Variants in ARNT observed in about 807,000 individuals in gnomAD.
ARNT encodes the protein class E basic helix-loop-helix protein 2.
A neutral mutation model predicts 105.0 loss-of-function variants in ARNT; 30 were observed. That is an observed-to-expected ratio of 0.29 (90% CI 0.21 to 0.39). The LOEUF (loss-of-function observed/expected upper bound fraction) is 0.39. Among genes scored for constraint, ARNT ranks in the 10% least tolerant of loss-of-function variants. The pLI is 1.00. For synonymous variants in ARNT, 304 were observed against 344.0 expected (o/e 0.88, Z 1.29); for missense variants, 748 against 978.7 (o/e 0.76, Z 3.15).
rs10305723 is a variant in ARNT at position 150,822,952 on chromosome 1, T to C, written c.1394+242A>G. On this transcript the variant is annotated intron_variant, in intron 14 of 21. Transcript: ENST00000358595. ...CTTTTTTTGAAATGGAGTCTCGCTC[T>C]GTAGCCCAGGCTGGAGTGCAGTGGC... 7.5e-3 allele frequency among the ~76,000 whole-genome samples: 1,137 copies of C among 152,346 alleles called. 10 individuals are homozygous for C. Among genetic ancestry groups the C allele is most frequent in the African/African-American group, 0.026 (1,082 of 41,584 alleles).
rs587628271 is a variant in ARNT at position 150,851,665 on chromosome 1, G to T, written c.182+1097C>A. Among the ~76,000 whole-genome samples, 1,103 of 149,094 alleles carry T rather than the reference G, an allele frequency of 7.4e-3. 6 individuals carry two copies. Among genetic ancestry groups the T allele is most frequent in the Non-Finnish European group, 0.01 (675 of 66,960 alleles). Reference sequence around the variant, plus strand: ...AAACAGATGCTTGAAGGCAGCATGCGCATTAAGAGTCATCACCACTCCCTA... The same window carrying T: ...AAACAGATGCTTGAAGGCAGCATGCTCATTAAGAGTCATCACCACTCCCTA... On this transcript the variant is annotated intron_variant, in intron 3 of 21. Transcript: ENST00000358595.
intron 3 of ARNT, among the ~76,000 whole-genome samples, chr1:150,851,805 T>C (rs1224064771): frequency 6.6e-6 from 1 of 152,070 alleles, no homozygotes; most frequent in Non-Finnish European, 1.5e-5. Flanking sequence ...ACTATTGTCC[T>C]ATGACCCTGC....
intron 12 of ARNT, among the ~76,000 whole-genome samples, chr1:150,826,833 G>A (rs2101778137): frequency 6.6e-6 from 1 of 151,926 alleles, no homozygotes; most frequent in Admixed American, 6.6e-5. Context: ...TTTAAATAGA[G>A]ACAGGGTTTC....
intron 7 of ARNT, 31 bp downstream of exon 7, chr1:150,836,249 C>G: frequency 6.3e-7 from 1 of 1,595,346 alleles, no homozygotes; most frequent in Non-Finnish European, 8.6e-7. Flanking sequence ...GAAAGGACTT[C>G]TCATTCATTT....
chr1:150,824,513 G>A (rs1205956328), intron 13 of ARNT, among the ~76,000 whole-genome samples: 1 of 149,048 alleles, frequency 6.7e-6, no homozygotes, highest in African/African-American at 2.5e-5. Context: ...GGAGTGCAGT[G>A]GTGCAATCTT....
rs369391588 is a variant in ARNT, at chr1:150,825,677, C to T, written c.1242+866G>A. Among the ~76,000 whole-genome samples, 36 of 151,858 alleles carry T rather than the reference C, an allele frequency of 2.4e-4. 2 individuals carry two copies. The highest frequency in any genetic ancestry group is 1.6e-3 in the East Asian group (8 of 5,150). ...CATCCTGGCCAACGTGGTGAAACCC[C>T]GCCTCTACTAAAAATACAAAAATTA... is the stretch of plus-strand genomic sequence containing the variant. On this transcript the variant is annotated intron_variant, in intron 13 of 21. Transcript: ENST00000358595.
chr1:150,825,325 T>C (rs375732355), intron 13 of ARNT, among the ~76,000 whole-genome samples: 14 of 152,250 alleles, frequency 9.2e-5, no homozygotes, highest in African/African-American at 3.4e-4. Context: ...TTCATTACCT[T>C]ATTTAATCTT....
Position 150,812,006 on chromosome 1 carries a change from C to T in ARNT, c.*15G>A. On this transcript the variant is annotated 3_prime_UTR_variant, in exon 22 of 22. Transcript: ENST00000358595. The stretch of plus-strand genomic sequence containing the variant: ...GATTTTTTCTCCCCCACCCCTTATC[C>T]TCACCCCAATAGTTCTATTCTGAAA... 2 of 1,476,866 alleles carry T rather than the reference C, an allele frequency of 1.4e-6. No individual in the cohort carries two copies. The highest frequency in any genetic ancestry group is 4.5e-5 in the Admixed American group (2 of 44,788). 91.5% of individuals were successfully genotyped at this position (1,476,866 alleles called of 1,614,324 possible).
intron 1 of ARNT, among the ~76,000 whole-genome samples, chr1:150,866,972 A>G (rs1003649971): frequency 5.3e-5 from 8 of 152,140 alleles, no homozygotes; most frequent in African/African-American, 1.9e-4. Context: ...GTGGGAGGCC[A>G]AGGCAGGTGG....
chr1:150,842,279 A>G, intron 5 of ARNT, 145 bp downstream of exon 5: 1 of 1,339,516 alleles, frequency 7.5e-7, no homozygotes, highest in Non-Finnish European at 9.7e-7. Flanking sequence ...TTCCTGTTAC[A>G]CTCAAACTTC....
chr1:150,849,152 G>A (rs765097980), intron 3 of ARNT, among the ~76,000 whole-genome samples: 14 of 151,926 alleles, frequency 9.2e-5, no homozygotes, highest in Non-Finnish European at 1.9e-4. Flanking sequence ...GCGGTGAGCC[G>A]AGATCATACC....
chr1:150,823,836 C>T (rs1657628284), intron 13 of ARNT, among the ~76,000 whole-genome samples: 1 of 149,614 alleles, frequency 6.7e-6, no homozygotes, highest in East Asian at 2.0e-4. Flanking sequence ...AAGTGTGAGC[C>T]ACCGTGCCCA....
intron 3 of ARNT, among the ~76,000 whole-genome samples, chr1:150,851,009 C>G (rs1199485091): frequency 2.1e-3 from 319 of 148,768 alleles, no homozygotes; most frequent in Non-Finnish European, 4.1e-3. Context: ...CTCTGCCCGG[C>G]AGCCACCCCG....
chr1:150,828,145 T>C (rs1256681227), intron 12 of ARNT, among the ~76,000 whole-genome samples: 1 of 152,148 alleles, frequency 6.6e-6, no homozygotes, highest in Admixed American at 6.5e-5. Flanking sequence ...TTAATTACAA[T>C]TAAATCCAAT....
In ARNT at chr1:150,817,998, G is replaced by C; in HGVS notation, c.1427C>G (p.Ser476Cys). 6.2e-7 allele frequency: 1 copy of C among 1,613,510 alleles called. No homozygotes were observed. The highest frequency in any genetic ancestry group is 8.5e-7 in the Non-Finnish European group (1 of 1,179,902). Reference sequence around the variant, plus strand: ...TAGTTGTGGCCTCTGGATTGTGTTGGAGAGTGTAGGCCGTGGTTCTTGGCT... The same window carrying C: ...TAGTTGTGGCCTCTGGATTGTGTTGCAGAGTGTAGGCCGTGGTTCTTGGCT... ...NSSQEPRPTLSNTIQRPQLGP... is the reference protein window; with the variant it reads ...NSSQEPRPTLCNTIQRPQLGP... Residue 476 changes from serine (S) to cysteine (C), a missense_variant, in exon 15 of 22, where the codon TCC becomes TGC. Physicochemically the swap from Ser to Cys is moderately radical, Grantham distance 112 (BLOSUM62 -1). Coordinates refer to ENST00000358595, the MANE Select transcript of ARNT (RefSeq NM_001668.4).
chr1:150,875,593 G>C (rs1668123954), intron 1 of ARNT, among the ~76,000 whole-genome samples: 1 of 152,060 alleles, frequency 6.6e-6, no homozygotes, highest in African/African-American at 2.4e-5. Context: ...AATAACCAAG[G>C]TCTCCAAGAT....
At chr1:150,818,365 TCAA>T (rs1656374295) in intron 14 of ARNT, 1 of 177,554 alleles carries the variant, frequency 5.6e-6, no homozygotes, top group Admixed American at 6.2e-5. Context: ...ACACTGTACA[TCAA>T]CAAAGACTAT....
chr1:150,833,715 G>A (rs1037882231), intron 8 of ARNT, among the ~76,000 whole-genome samples: 1 of 148,576 alleles, frequency 6.7e-6, no homozygotes, highest in South Asian at 2.1e-4. Flanking sequence ...ATCCTAAAAC[G>A]TACAGTATAT....
intron 7 of ARNT, among the ~76,000 whole-genome samples, chr1:150,835,875 C>T (rs1249767378): frequency 6.6e-6 from 1 of 151,916 alleles, no homozygotes; most frequent in Non-Finnish European, 1.5e-5. Context: ...GACCAATAAC[C>T]ATATCTATAG....
Sources: allele counts gnomAD v4.1 joint callset (sites outside exome capture counted in the v4.1 genomes callset), GRCh38; gene constraint gnomAD v4.1.1; transcripts MANE v1.5; gene names NCBI Gene and HGNC (gene_info 2026-07-23, HGNC 2026-07-21).